The following LAMA3 variants were observed in gnomAD, a reference collection of about 807,000 sequenced individuals.
The protein encoded by LAMA3 is laminin subunit alpha-3.
Under a neutral mutation model 402.0 loss-of-function variants are expected in LAMA3, and 281 were observed. The observed-to-expected ratio is 0.70, with a 90% CI of 0.63 to 0.77. LAMA3 has a LOEUF of 0.77. Among genes scored for constraint, LAMA3 ranks in the 30% least tolerant of loss-of-function variants. The probability of loss-of-function intolerance (pLI) is 0.00; values close to 1 mark genes in which losing one functional copy is unlikely to be tolerated. For missense variants in LAMA3, 3,840 were observed against 4,215.5 expected, an observed-to-expected ratio of 0.91 and a Z score of 2.47; for synonymous variants, 1,431 against 1,558.4, an observed-to-expected ratio of 0.92 and a Z score of 1.93.
chr18:23,747,165 T>C (rs2061666182), intron 2 of LAMA3, among the ~76,000 whole-genome samples: 1 of 152,130 alleles, frequency 6.6e-6, no homozygotes, highest in Non-Finnish European at 1.5e-5. Context: ...CCGTGTTCAA[T>C]GTCGTACCAG....
At chr18:23,915,179 C>A in intron 58 of LAMA3, 110 bp from the exon 59 acceptor site, 1 of 1,255,466 alleles carries the variant, frequency 8.0e-7, no homozygotes, top group Non-Finnish European at 1.1e-6. Flanking sequence ...CCAGGGTTCA[C>A]ATTCTTAATT....
intron 19 of LAMA3, among the ~76,000 whole-genome samples, chr18:23,820,588 T>G (rs1280527739): frequency 6.6e-6 from 1 of 152,176 alleles, no homozygotes; most frequent in African/African-American, 2.4e-5. Context: ...TTAGAATGAG[T>G]AGGGGAATTT....
rs1216812475 is a variant in LAMA3, at chr18:23,842,500, G to T, written c.3442G>T (p.Asp1148Tyr). 2.5e-6 allele frequency: 4 copies of T among 1,614,126 alleles called. No individual in the cohort carries two copies. Among genetic ancestry groups the T allele is most frequent in the East Asian group, 2.2e-5 (1 of 44,894 alleles). Residue 1148 changes from aspartate to tyrosine, a missense_variant, in exon 28 of 75, where the codon GAT (aspartate) becomes TAT (tyrosine). By Grantham distance (160) the Asp-to-Tyr change is radical (BLOSUM62 -3). This residue lies in a region of LAMA3 where 2,109 missense variants were observed against 2,376.0 expected (regional missense o/e 0.89). Coordinates refer to ENST00000313654, the MANE Select transcript of LAMA3 (RefSeq NM_198129.4). ...GACGTTTCCCGCGCAGGTGTCGGTG[G>T]ATGGCGGGTGGCCACGGGCAGGTGA... is the stretch of plus-strand genomic sequence containing the variant. ...HPTFPAQVSV[D>Y]GGWPRAGSFH...
Position 23,861,679 on chromosome 18 carries a change from G to A in LAMA3, c.4456G>A (p.Ala1486Thr). The part of the protein sequence containing the change: ...VDMLGWHLET[A>T]DRVDIPVSFN... Reference sequence around the variant, plus strand: ...TATGCTGGGCTGGCACCTGGAGACAGCAGACAGAGTGGACATCCCTGTCTC... The same window carrying A: ...TATGCTGGGCTGGCACCTGGAGACAACAGACAGAGTGGACATCCCTGTCTC... Residue 1486 changes from alanine to threonine, a missense_variant, in exon 35 of 75, where the codon GCA (alanine) becomes ACA (threonine). Ala to Thr is a moderately conservative substitution (Grantham distance 58, BLOSUM62 0). Transcript: ENST00000313654. The A allele has an allele frequency of 1.2e-6, 2 of 1,614,198 alleles. No individual in the cohort carries two copies. Among genetic ancestry groups the A allele is most frequent in the Non-Finnish European group, 1.7e-6 (2 of 1,180,030 alleles).
chr18:23,696,923 G>A (rs2060695407), intron 1 of LAMA3, among the ~76,000 whole-genome samples: 1 of 152,146 alleles, frequency 6.6e-6, no homozygotes, highest in Non-Finnish European at 1.5e-5. Flanking sequence ...CTTGGTTCTG[G>A]GGTGTGGTCT....
intron 18 of LAMA3, among the ~76,000 whole-genome samples, chr18:23,817,380 G>T (rs189829536): frequency 1.3e-5 from 2 of 152,080 alleles, no homozygotes; most frequent in African/African-American, 4.8e-5. Flanking sequence ...TTTTTATGTC[G>T]TGGAGGTAAA....
intron 40 of LAMA3, among the ~76,000 whole-genome samples, chr18:23,882,920 A>G (rs1004545753): frequency 6.6e-6 from 1 of 152,116 alleles, no homozygotes; most frequent in South Asian, 2.1e-4. Context: ...TAGAGATGAC[A>G]TTTTCTGCAA....
At chr18:23,817,915 G>A (rs1598852978) in intron 18 of LAMA3, among the ~76,000 whole-genome samples, 1 of 151,976 alleles carries the variant, frequency 6.6e-6, no homozygotes, top group South Asian at 2.1e-4. Context: ...GTACTTTGGG[G>A]GGCCGAGGTG....
At chr18:23,721,217 A>T (rs1408255204) in intron 2 of LAMA3, among the ~76,000 whole-genome samples, 1 of 151,988 alleles carries the variant, frequency 6.6e-6, no homozygotes, top group African/African-American at 2.4e-5. Flanking sequence ...CACACATTCA[A>T]TTGGTTCTGT....
intron 2 of LAMA3, among the ~76,000 whole-genome samples, chr18:23,732,437 C>T (rs1230582956): frequency 6.6e-6 from 1 of 152,084 alleles, no homozygotes; most frequent in Non-Finnish European, 1.5e-5. Flanking sequence ...CTTCTCACAC[C>T]CAGCTAACTC....
chr18:23,806,034 T>C lies in LAMA3; in HGVS notation c.1604-4332T>C, dbSNP rs538293623. On this transcript the variant is annotated intron_variant, in intron 12 of 74. Coordinates refer to ENST00000313654, the MANE Select transcript of LAMA3 (RefSeq NM_198129.4). ...CACTTCTACAAAGCAAGTCAGAATT[T>C]GCTAGACTTCCCAGCTGTTTCACTT... is the stretch of plus-strand genomic sequence containing the variant. Among the ~76,000 whole-genome samples the C allele has an allele frequency of 1.9e-4, 29 of 152,346 alleles. No individual in the cohort carries two copies. The South Asian group carries it at 5.8e-3, about 30-fold the overall frequency.
intron 12 of LAMA3, among the ~76,000 whole-genome samples, chr18:23,796,777 C>T (rs373494762): frequency 6.6e-6 from 1 of 152,050 alleles, no homozygotes; most frequent in African/African-American, 2.4e-5. Flanking sequence ...TGAGCTCAAG[C>T]GATTCCCCCA....
At chr18:23,692,478 G>C (rs966315413) in intron 1 of LAMA3, among the ~76,000 whole-genome samples, 3 of 152,064 alleles carry the variant, frequency 2.0e-5, no homozygotes, top group Non-Finnish European at 4.4e-5. Context: ...CACCATGTCG[G>C]CCAGGCTGGT....
chr18:23,942,136 G>T (rs981572012), intron 68 of LAMA3, among the ~76,000 whole-genome samples: 1 of 152,156 alleles, frequency 6.6e-6, no homozygotes, highest in East Asian at 1.9e-4. Context: ...TCCACTTCTG[G>T]TTTCTGCCTC....
chr18:23,835,476 G>GTGAAC (rs2063563561), intron 24 of LAMA3, among the ~76,000 whole-genome samples: 1 of 152,188 alleles, frequency 6.6e-6, no homozygotes, highest in African/African-American at 2.4e-5. Flanking sequence ...GTTATTGAGA[G>GTGAAC]TGAACTGCAT....
At chr18:23,739,722 T>C (rs1246995287) in intron 2 of LAMA3, among the ~76,000 whole-genome samples, 1 of 152,198 alleles carries the variant, frequency 6.6e-6, no homozygotes, top group Non-Finnish European at 1.5e-5. Flanking sequence ...AACTTACTTA[T>C]GAAAAACAAC....
chr18:23,855,205 T>C (rs981112772), intron 32 of LAMA3, among the ~76,000 whole-genome samples: 2 of 152,186 alleles, frequency 1.3e-5, no homozygotes, highest in Admixed American at 6.5e-5. Flanking sequence ...CCCGCATGTT[T>C]GCTAAAAGAA....
At chr18:23,925,709 C>T (rs1027654744) in intron 62 of LAMA3, among the ~76,000 whole-genome samples, 16 of 152,234 alleles carry the variant, frequency 1.1e-4, no homozygotes, top group Admixed American at 1.0e-3. Flanking sequence ...CAAGTATGTT[C>T]AGACCCTGTA....
chr18:23,829,115 A>G (rs1047496076), intron 23 of LAMA3, among the ~76,000 whole-genome samples: 1 of 152,218 alleles, frequency 6.6e-6, no homozygotes, highest in Non-Finnish European at 1.5e-5. Context: ...CTGACTATAT[A>G]CATAGACTTA....
Sources: gnomAD v4.1 joint callset for allele counts (sites outside exome capture counted in the v4.1 genomes callset) on GRCh38, gnomAD v4.1.1 for gene constraint, gnomAD v4.1.1 regional missense constraint, MANE v1.5 for transcripts, NCBI Gene and HGNC (gene_info 2026-07-23, HGNC 2026-07-21) for gene names.